GANC: variants seen among roughly 807,000 people sequenced by gnomAD.
The protein encoded by GANC is glucosidase alpha, neutral C.
A neutral mutation model predicts 124.2 loss-of-function variants in GANC; 117 were observed. The observed-to-expected ratio is 0.94, with a 90% confidence interval of 0.81 to 1.10. The LOEUF (loss-of-function observed/expected upper bound fraction) is 1.10. Ranked by LOEUF, GANC falls within the 50% of genes least tolerant of loss-of-function variation. The pLI is 0.00. For synonymous variants in GANC, 377 were observed against 376.8 expected (o/e 1.00, Z -0.01); for missense variants, 1,140 against 1,095.0 (o/e 1.04, Z -0.58).
At chr15:42,292,447 A>G (rs1162921425) in intron 4 of GANC, among the ~76,000 whole-genome samples, 2 of 152,108 alleles carry the variant, frequency 1.3e-5, no homozygotes, top group African/African-American at 2.4e-5. Context: ...ATTCTCTCCA[A>G]AAACTTTGTT....
intron 14 of GANC, among the ~76,000 whole-genome samples, chr15:42,329,867 ATT>A (rs2052228747): frequency 6.6e-6 from 1 of 152,232 alleles, no homozygotes; most frequent in Non-Finnish European, 1.5e-5. Flanking sequence ...GAGGAGCAAT[ATT>A]TAGAACACAG....
chr15:42,351,703 A>G (rs1297513437), intron 23 of GANC, among the ~76,000 whole-genome samples: 1 of 152,212 alleles, frequency 6.6e-6, no homozygotes, highest in African/African-American at 2.4e-5. Context: ...TTTAAACTAT[A>G]GCTGCCTGAA....
chr15:42,276,607 A>G (rs1413529963), intron 2 of GANC, among the ~76,000 whole-genome samples, 197 bp downstream of exon 2: 1 of 152,304 alleles, frequency 6.6e-6, no homozygotes, highest in African/African-American at 2.4e-5. Context: ...ATAAACAGCT[A>G]TTTTATTTTA....
intron 13 of GANC, among the ~76,000 whole-genome samples, chr15:42,327,771 A>T (rs1168635382): frequency 6.6e-6 from 1 of 152,248 alleles, no homozygotes; most frequent in African/African-American, 2.4e-5. Flanking sequence ...TTATTTAAAT[A>T]TGATGATACA....
chr15:42,292,834 G>T lies in GANC; in HGVS notation c.429G>T (p.Leu143Phe). Residue 143 changes from leucine (L) to phenylalanine (F), a missense_variant, in exon 5 of 24, where the codon TTG (leucine) becomes TTT (phenylalanine). Leu to Phe is a conservative substitution (Grantham distance 22, BLOSUM62 0). Transcript: ENST00000318010. ...CAGCAAACCCATTCAAGGTAGACTTGGTGTCTGAAGAAGAGGTTGTGATTA... is the reference window on the plus strand; with the variant it reads ...CAGCAAACCCATTCAAGGTAGACTTTGTGTCTGAAGAAGAGGTTGTGATTA... ...HITANPFKVD[L>F]VSEEEVVISI... 6.2e-7 allele frequency: 1 copy of T among 1,614,014 alleles called. No homozygotes were observed. Among genetic ancestry groups the T allele is most frequent in the Non-Finnish European group, 8.5e-7 (1 of 1,179,928 alleles).
At position 42,292,916 on chromosome 15, in the gene GANC, A is replaced by G. The variant is rs1393006392; in HGVS notation, c.511A>G (p.Arg171Gly). ...GCATCTACAGATTCTTCACAAACAA[A>G]GGTATTCTTATGCATTACTTGACAC... ...FEHLQILHKQ[R>G]AAKENEEETS... The change falls in exon 5 of 24, where the codon AGA becomes GGA. Residue 171 changes from arginine to glycine, a missense_variant and splice_region_variant. Physicochemically the swap from Arg to Gly is moderately radical, Grantham distance 125. Transcript: ENST00000318010. The G allele has an allele frequency of 6.2e-7, 1 of 1,613,396 alleles. No homozygotes were observed. Among genetic ancestry groups the G allele is most frequent in the East Asian group, 2.2e-5 (1 of 44,854 alleles).
chr15:42,284,079 C>G (rs1487164075), intron 3 of GANC: 8 of 679,290 alleles, frequency 1.2e-5, no homozygotes, highest in Non-Finnish European at 2.1e-5. Flanking sequence ...TGTTCTATGT[C>G]TTTTAGGTTA....
intron 5 of GANC, among the ~76,000 whole-genome samples, chr15:42,296,640 G>A (rs555203535): frequency 1.3e-5 from 2 of 152,056 alleles, no homozygotes; most frequent in African/African-American, 4.8e-5. Flanking sequence ...TAATCTACCC[G>A]CATTGGCCTC....
At chr15:42,335,269 G>A (rs1426947721) in intron 15 of GANC, among the ~76,000 whole-genome samples, 1 of 152,124 alleles carries the variant, frequency 6.6e-6, no homozygotes, top group Non-Finnish European at 1.5e-5. Context: ...TATCCACCGT[G>A]ATCAAGAAGC....
rs201653573 is a variant in GANC at position 42,339,769 on chromosome 15, G to A, written c.1944G>A (p.Met648Ile). 1.6e-4 allele frequency: 258 copies of A among 1,613,956 alleles called. No homozygotes were observed. Among genetic ancestry groups the A allele is most frequent in the Non-Finnish European group, 2.0e-4 (241 of 1,180,020 alleles). Residue 648 changes from methionine to isoleucine, a missense_variant, in exon 17 of 24, where the codon ATG becomes ATA. By Grantham distance (10) the Met-to-Ile change is conservative. Coordinates refer to ENST00000318010, the MANE Select transcript of GANC (RefSeq NM_198141.3). ...YQPFFRGHAT[M>I]NTKRREPWLF... ...CCTTCTTCCGTGGCCATGCCACCAT[G>A]AACACCAAGCGACGAGAGCCCTGGC...
intron 16 of GANC, 116 bp downstream of exon 16, chr15:42,338,606 A>C: frequency 1.3e-6 from 1 of 754,886 alleles, no homozygotes; most frequent in South Asian, 1.5e-5. Flanking sequence ...TAAATGTGGG[A>C]AAGAAAAAAT....
chr15:42,300,343 A>T (rs904289808), intron 6 of GANC, among the ~76,000 whole-genome samples: 4 of 152,222 alleles, frequency 2.6e-5, no homozygotes, highest in African/African-American at 9.6e-5. Context: ...GCCAACAAAC[A>T]TGAAAAAAAG....
At chr15:42,322,618 G>A (rs554638486) in intron 11 of GANC, among the ~76,000 whole-genome samples, 2 of 152,264 alleles carry the variant, frequency 1.3e-5, no homozygotes, top group African/African-American at 4.8e-5. Context: ...GGGTAAGGGG[G>A]GAGTAGCAGG....
chr15:42,331,429 T>G (rs2141065911), intron 15 of GANC, among the ~76,000 whole-genome samples: 1 of 152,332 alleles, frequency 6.6e-6, no homozygotes, highest in South Asian at 2.1e-4. Context: ...TATAACTGGA[T>G]GCAGTTTACC....
chr15:42,294,521 G>A (rs1228950989), intron 5 of GANC, among the ~76,000 whole-genome samples: 1 of 145,744 alleles, frequency 6.9e-6, no homozygotes, highest in Non-Finnish European at 1.5e-5. Flanking sequence ...GTTGCAGTGA[G>A]CTGAGATCAT....
chr15:42,351,356 C>G lies in GANC; in HGVS notation c.2559C>G (p.Pro853=). 6.2e-7 allele frequency: 1 copy of G among 1,613,980 alleles called. No individual in the cohort carries two copies. Among genetic ancestry groups the G allele is most frequent in the Non-Finnish European group, 8.5e-7 (1 of 1,179,904 alleles). The change falls in exon 23 of 24, where the codon CCC becomes CCG. Residue 853 remains proline, a synonymous_variant. Transcript: ENST00000318010. ...NSFADQRGHY[P]SKCVVEKILV... is the part of the protein sequence containing the mutation. ...TTGCTGACCAGAGGGGTCATTATCC[C>G]AGCAAGTGTGTGGTGGAGAAGATCT...
At chr15:42,345,589 C>T (rs149051961) in intron 19 of GANC, among the ~76,000 whole-genome samples, 169 bp from the exon 20 acceptor site, 6 of 152,282 alleles carry the variant, frequency 3.9e-5, no homozygotes, top group African/African-American at 1.4e-4. Context: ...TTGGGATCTT[C>T]CTAAAAGCAC....
In GANC at chr15:42,274,365, A is replaced by C. The variant is rs1333157666; in HGVS notation, c.-117A>C. 1.5e-5 allele frequency: 16 copies of C among 1,072,442 alleles called. No individual in the cohort carries two copies. The highest frequency in any genetic ancestry group is 3.2e-5 in the African/African-American group (2 of 62,392). The allele number at this position is 1,072,442 out of a possible 1,614,324, so 66.4% of individuals were successfully genotyped here. On this transcript the variant is annotated 5_prime_UTR_variant, in exon 1 of 24. Transcript: ENST00000318010. ...ATCTGGAGGGGACTCCCTTCCCAGA[A>C]ACTTGACGATGAAGTACTGGTTGTA...
chr15:42,285,795 A>T (rs2051781524), intron 3 of GANC, among the ~76,000 whole-genome samples: 1 of 152,222 alleles, frequency 6.6e-6, no homozygotes, highest in Non-Finnish European at 1.5e-5. Flanking sequence ...ACTCCATCTC[A>T]AAATAAATAA....
Sources: allele counts gnomAD v4.1 joint callset (sites outside exome capture counted in the v4.1 genomes callset), GRCh38; gene constraint gnomAD v4.1.1; transcripts MANE v1.5; gene names NCBI Gene and HGNC (gene_info 2026-07-23, HGNC 2026-07-21).